CLVS1: variants seen among roughly 807,000 people sequenced by gnomAD.
The protein encoded by CLVS1 is clavesin-1.
A neutral mutation model predicts 33.1 loss-of-function variants in CLVS1; 10 were observed. The ratio of observed to expected loss-of-function variants is 0.30; its 90% CI spans 0.19 to 0.51. The LOEUF (loss-of-function observed/expected upper bound fraction) is 0.51. Ranked by LOEUF, CLVS1 falls within the 20% of genes least tolerant of loss-of-function variation. The probability of loss-of-function intolerance (pLI) is 0.97; values close to 1 mark genes in which losing one functional copy is unlikely to be tolerated. For missense variants in CLVS1, 343 were observed against 433.4 expected (o/e 0.79, Z 1.85); for synonymous variants, 163 against 166.1 (o/e 0.98, Z 0.14).
chr8:61,048,271 A>G, the CLVS1 span, among the ~76,000 whole-genome samples: 1 of 152,352 alleles, frequency 6.6e-6, no homozygotes, highest in South Asian at 2.1e-4. Flanking sequence ...GTGGCAGAGC[A>G]GGGCATGGTA....
intron 2 of CLVS1, chr8:61,274,083 T>C (rs1223789051): frequency 6.6e-6 from 1 of 152,240 alleles, no homozygotes; most frequent in East Asian, 1.9e-4. Flanking sequence ...GTATCAGAAA[T>C]GGCTAATTAT....
the CLVS1 span, among the ~76,000 whole-genome samples, chr8:61,033,029 G>GAA: frequency 9.6e-3 from 1,067 of 111,100 alleles, 55 homozygotes; most frequent in African/African-American, 0.035. Context: ...AAGAAAGAAA[G>GAA]AAAGAAAGAA....
At chr8:60,982,993 CCCCAGGG>C in the CLVS1 span, among the ~76,000 whole-genome samples, 2 of 152,286 alleles carry the variant, frequency 1.3e-5, no homozygotes, top group South Asian at 4.1e-4. Flanking sequence ...CCTACCCCAT[CCCCAGGG>C]CTAAGCAGAA....
At chr8:61,387,673 C>T (rs981142805) in intron 3 of CLVS1, among the ~76,000 whole-genome samples, 2 of 152,080 alleles carry the variant, frequency 1.3e-5, no homozygotes, top group African/African-American at 4.8e-5. Context: ...CCATGTCATT[C>T]TCATGCCTTT....
chr8:61,486,250 GT>G (rs565836877), intron 5 of CLVS1, among the ~76,000 whole-genome samples: 6 of 151,900 alleles, frequency 3.9e-5, no homozygotes, highest in Non-Finnish European at 7.4e-5. Flanking sequence ...TTTTTGCTTA[GT>G]TTTTTTTCTC....
intron 2 of CLVS1, among the ~76,000 whole-genome samples, chr8:61,334,133 T>TC (rs1811698413): frequency 6.6e-6 from 1 of 152,120 alleles, no homozygotes; most frequent in Non-Finnish European, 1.5e-5. Context: ...TAGATTTTCT[T>TC]ATAGGGAGGA....
At chr8:61,370,983 A>G (rs1295553977) in intron 2 of CLVS1, among the ~76,000 whole-genome samples, 1 of 152,208 alleles carries the variant, frequency 6.6e-6, no homozygotes, top group Non-Finnish European at 1.5e-5. Context: ...TCTTTTTCTT[A>G]TAATGACTTC....
At chr8:61,120,826 G>A (rs1805845352) in intron 1 of CLVS1, among the ~76,000 whole-genome samples, 2 of 147,930 alleles carry the variant, frequency 1.4e-5, no homozygotes, top group Admixed American at 1.3e-4. Context: ...CTGTCTTTTT[G>A]TTTGTCTGTG....
At chr8:61,494,294 A>G (rs896491638) in intron 5 of CLVS1, among the ~76,000 whole-genome samples, 6 of 152,102 alleles carry the variant, frequency 3.9e-5, no homozygotes, top group East Asian at 3.9e-4. Flanking sequence ...AAGGGAGGGT[A>G]GAATAAAGGA....
intron 2 of CLVS1, among the ~76,000 whole-genome samples, chr8:61,261,433 T>A (rs147839844): frequency 6.6e-6 from 1 of 152,152 alleles, no homozygotes; most frequent in African/African-American, 2.4e-5. Flanking sequence ...CTGTTAGACA[T>A]TGCCATTTGC....
At chr8:60,980,942 G>A in the CLVS1 span, among the ~76,000 whole-genome samples, 1 of 152,164 alleles carries the variant, frequency 6.6e-6, no homozygotes, top group East Asian at 1.9e-4. Context: ...CAGAAGAGGA[G>A]GAGGCCATGT....
intron 2 of CLVS1, among the ~76,000 whole-genome samples, chr8:61,356,922 TTAAAG>T (rs1812735515): frequency 1.3e-5 from 2 of 152,172 alleles, no homozygotes; most frequent in Non-Finnish European, 2.9e-5. Flanking sequence ...CATATGAACT[TTAAAG>T]TAGTTTTTTC....
intron 3 of CLVS1, among the ~76,000 whole-genome samples, chr8:61,423,205 G>A (rs1352866444): frequency 2.0e-5 from 3 of 152,076 alleles, no homozygotes; most frequent in African/African-American, 7.2e-5. Flanking sequence ...CTTTTTCCCA[G>A]TCTGTGGCAT....
chr8:61,202,730 A>C, intron 2 of CLVS1: 1 of 1,576,344 alleles, frequency 6.3e-7, no homozygotes, highest in African/African-American at 1.3e-5. Flanking sequence ...GAGTCAGAAG[A>C]TGAAGAGGAG....
chr8:61,333,835 T>C (rs1811688757), intron 2 of CLVS1, among the ~76,000 whole-genome samples: 1 of 152,166 alleles, frequency 6.6e-6, no homozygotes, highest in Non-Finnish European at 1.5e-5. Flanking sequence ...TTATTTTTTT[T>C]TGATCCTCTC....
chr8:61,189,169 G>A (rs887087160), intron 2 of CLVS1, among the ~76,000 whole-genome samples: 48 of 152,174 alleles, frequency 3.2e-4, no homozygotes, highest in African/African-American at 9.7e-5. Context: ...ACTAACAGTG[G>A]ATCACTTGGC....
intron 3 of CLVS1, among the ~76,000 whole-genome samples, chr8:61,389,709 A>G (rs556126122): frequency 6.6e-6 from 1 of 152,340 alleles, no homozygotes; most frequent in East Asian, 1.9e-4. Context: ...ATGCACAGCC[A>G]TGATCTTGAG....
intron 1 of CLVS1, among the ~76,000 whole-genome samples, chr8:61,102,247 C>T (rs917338346): frequency 6.6e-6 from 1 of 152,084 alleles, no homozygotes; most frequent in African/African-American, 2.4e-5. Context: ...GATGTCTTTT[C>T]ATTTATTTAG....
intron 2 of CLVS1, among the ~76,000 whole-genome samples, chr8:61,323,144 T>C (rs1811260168): frequency 6.6e-6 from 1 of 152,162 alleles, no homozygotes; most frequent in Non-Finnish European, 1.5e-5. Flanking sequence ...ACTCATGTGA[T>C]GCATTAATTT....
Sources: allele counts gnomAD v4.1 joint callset (sites outside exome capture counted in the v4.1 genomes callset), GRCh38; gene constraint gnomAD v4.1.1; transcripts MANE v1.5; gene names NCBI Gene and HGNC (gene_info 2026-07-23, HGNC 2026-07-21).